Variants in RBFOX1 observed in about 807,000 individuals in gnomAD.
RBFOX1 encodes the protein RNA binding fox-1 homolog 1, also known as RNA binding protein fox-1 homolog 1.
Under a neutral mutation model 57.7 loss-of-function variants are expected in RBFOX1, and 8 were observed. The observed-to-expected ratio is 0.14, with a 90% CI of 0.08 to 0.25. RBFOX1 has a LOEUF of 0.25. Ranked by LOEUF, RBFOX1 falls within the 10% of genes least tolerant of loss-of-function variation. The probability of loss-of-function intolerance (pLI) is 1.00; values close to 1 mark genes in which losing one functional copy is unlikely to be tolerated. For synonymous variants in RBFOX1, 326 were observed against 222.4 expected, an observed-to-expected ratio of 1.47 and a Z score of -4.15; for missense variants, 611 against 548.5, an observed-to-expected ratio of 1.11 and a Z score of -1.14.
chr16:7,103,363 C>G (rs558123389), intron 4 of RBFOX1, among the ~76,000 whole-genome samples: 4 of 152,096 alleles, frequency 2.6e-5, no homozygotes, highest in African/African-American at 9.7e-5. Flanking sequence ...GTTCCTGATG[C>G]TGGAATAAAA....
chr16:6,310,851 G>C (rs1389196558), intron 1 of RBFOX1, among the ~76,000 whole-genome samples: 1 of 150,836 alleles, frequency 6.6e-6, no homozygotes, highest in African/African-American at 2.4e-5. Flanking sequence ...TGGGGAGTCA[G>C]CCAGGACTCC....
intron 3 of RBFOX1, among the ~76,000 whole-genome samples, chr16:6,934,991 G>C (rs1349088675): frequency 5.3e-5 from 8 of 151,986 alleles, no homozygotes; most frequent in Admixed American, 4.6e-4. Flanking sequence ...GGGAGGCTGA[G>C]ATAGGAGGAC....
chr16:6,212,866 G>C (rs2097307773), intron 1 of RBFOX1, among the ~76,000 whole-genome samples: 1 of 152,126 alleles, frequency 6.6e-6, no homozygotes, highest in Non-Finnish European at 1.5e-5. Flanking sequence ...GTAAGAAGAA[G>C]AGACCAATAG....
intron 2 of RBFOX1, among the ~76,000 whole-genome samples, chr16:6,641,298 T>A (rs1160284473): frequency 6.6e-6 from 1 of 152,116 alleles, no homozygotes; most frequent in African/African-American, 2.4e-5. Context: ...GAGGACAGCA[T>A]TGTAACACGG....
chr16:7,291,228 A>C (rs902658300), intron 4 of RBFOX1, among the ~76,000 whole-genome samples: 1 of 152,170 alleles, frequency 6.6e-6, no homozygotes, highest in Admixed American at 6.5e-5. Flanking sequence ...ACTGTGCCCT[A>C]ACCAGCTGAA....
chr16:6,151,132 T>A (rs973785464), intron 1 of RBFOX1, among the ~76,000 whole-genome samples: 5 of 152,156 alleles, frequency 3.3e-5, no homozygotes, highest in African/African-American at 1.2e-4. Flanking sequence ...AAATACATAT[T>A]TGCTGAATCT....
chr16:5,397,404 G>A (rs1404314662), intron 1 of RBFOX1, among the ~76,000 whole-genome samples: 2 of 152,164 alleles, frequency 1.3e-5, no homozygotes, highest in African/African-American at 4.8e-5. Context: ...CCTGGCAGGT[G>A]CTCTCTGCAC....
chr16:5,366,400 T>C, intron 1 of RBFOX1: 1 of 432,504 alleles, frequency 2.3e-6, no homozygotes, highest in Non-Finnish European at 4.4e-6. Flanking sequence ...ATATATGAGA[T>C]ACTCCAGCCA....
chr16:5,619,506 C>A (rs527729834), intron 3 of RBFOX1, among the ~76,000 whole-genome samples: 1 of 152,120 alleles, frequency 6.6e-6, no homozygotes, highest in Non-Finnish European at 1.5e-5. Flanking sequence ...TAACAGGGAG[C>A]GATCTTATCC....
intron 3 of RBFOX1, among the ~76,000 whole-genome samples, chr16:5,658,280 A>C (rs199948308): frequency 6.6e-6 from 1 of 152,166 alleles, no homozygotes; most frequent in Non-Finnish European, 1.5e-5. Flanking sequence ...AGACATCAGG[A>C]TTGGAAAGAT....
intron 1 of RBFOX1, among the ~76,000 whole-genome samples, chr16:6,144,093 G>A (rs963449542): frequency 6.6e-6 from 1 of 151,968 alleles, no homozygotes; most frequent in Admixed American, 6.6e-5. Context: ...GCCACTGTGT[G>A]TGGTCACACC....
At chr16:6,211,086 G>C (rs148194047) in intron 1 of RBFOX1, among the ~76,000 whole-genome samples, 1 of 151,132 alleles carries the variant, frequency 6.6e-6, no homozygotes, top group African/African-American at 2.4e-5. Context: ...CATCAAGAAA[G>C]ATCTTAGACC....
At chr16:5,505,235 A>G (rs1392993501) in intron 2 of RBFOX1, among the ~76,000 whole-genome samples, 1 of 152,146 alleles carries the variant, frequency 6.6e-6, no homozygotes, top group African/African-American at 2.4e-5. Flanking sequence ...TAAAACCTGG[A>G]ATTTCCACCT....
chr16:5,993,898 G>A (rs1424044432), intron 4 of RBFOX1, among the ~76,000 whole-genome samples: 1 of 152,172 alleles, frequency 6.6e-6, no homozygotes, highest in Non-Finnish European at 1.5e-5. Context: ...ATTTAGTGAA[G>A]CAGGTCCCGC....
intron 1 of RBFOX1, among the ~76,000 whole-genome samples, chr16:5,391,918 T>A (rs905975919): frequency 6.7e-6 from 1 of 150,362 alleles, no homozygotes; most frequent in Non-Finnish European, 1.5e-5. Flanking sequence ...CGCACACACA[T>A]ATATATACAC....
chr16:7,403,933 T>A (rs1389319197), intron 4 of RBFOX1, among the ~76,000 whole-genome samples: 1 of 150,410 alleles, frequency 6.6e-6, no homozygotes, highest in Non-Finnish European at 1.5e-5. Flanking sequence ...ATATAACCTT[T>A]TTAATTCATT....
intron 14 of RBFOX1, among the ~76,000 whole-genome samples, chr16:7,683,771 T>TGCCTCTA (rs2075439906): frequency 6.6e-6 from 1 of 152,176 alleles, no homozygotes; most frequent in Admixed American, 6.6e-5. Flanking sequence ...TGGGAAAGCC[T>TGCCTCTA]AATGCTTTCT....
At chr16:6,187,679 T>G (rs988351028) in intron 1 of RBFOX1, among the ~76,000 whole-genome samples, 4 of 152,152 alleles carry the variant, frequency 2.6e-5, no homozygotes, top group African/African-American at 9.7e-5. Flanking sequence ...TAGGTAGTTT[T>G]AATCAAAATT....
chr16:5,462,079 G>T (rs571447902), intron 1 of RBFOX1, among the ~76,000 whole-genome samples: 11 of 151,678 alleles, frequency 7.3e-5, no homozygotes, highest in Non-Finnish European at 1.5e-4. Context: ...AAGATTACCC[G>T]TCTCTTTTCA....
Sources: allele counts gnomAD v4.1 joint callset (sites outside exome capture counted in the v4.1 genomes callset), GRCh38; gene constraint gnomAD v4.1.1; transcripts MANE v1.5; gene names NCBI Gene and HGNC (gene_info 2026-07-23, HGNC 2026-07-21).